GPR162: variants seen among roughly 807,000 people sequenced by gnomAD.
GPR162 encodes the protein G protein-coupled receptor 162, also known as probable G protein-coupled receptor 162.
Under a neutral mutation model 44.9 loss-of-function variants are expected in GPR162, and 26 were observed. The ratio of observed to expected loss-of-function variants is 0.58; its 90% CI spans 0.42 to 0.80. GPR162 has a LOEUF of 0.80. Among genes scored for constraint, GPR162 ranks in the 30% least tolerant of loss-of-function variants. The pLI is 0.00. For synonymous variants in GPR162, 363 were observed against 335.2 expected (o/e 1.08, Z -0.91); for missense variants, 704 against 802.3 (o/e 0.88, Z 1.48).
In GPR162 at chr12:6,826,222, G is replaced by A. The variant is rs782289657; in HGVS notation, c.1084G>A (p.Gly362Ser). Residue 362 changes from glycine (G) to serine (S), a missense_variant, in exon 4 of 5, where the codon GGC (glycine) becomes AGC (serine). Physicochemically the swap from Gly to Ser is moderately conservative, Grantham distance 56 (BLOSUM62 0). Coordinates refer to ENST00000311268, the MANE Select transcript of GPR162 (RefSeq NM_019858.2). ...DDGGCDDYAEGRVCKVRFDAN... is the reference protein window; with the variant it reads ...DDGGCDDYAESRVCKVRFDAN... The stretch of plus-strand genomic sequence containing the variant: ...TGGGGGCTGTGACGACTATGCAGAG[G>A]GCCGAGTTTGCAAAGTTCGCTTTGA... 1 of 1,614,014 alleles carries A rather than the reference G, an allele frequency of 6.2e-7. No homozygotes were observed.
chr12:6,824,042 G>A lies in GPR162; in HGVS notation c.144G>A (p.Leu48=). ...CCAAGCAGCAGAAGCACAAGCCACT[G>A]GAGCTGCTGCTCTGCTTCCTAGCGG... ...ISAKQQKHKP[L]ELLLCFLAGT... Residue 48 remains leucine, a synonymous_variant, in exon 2 of 5, where the codon CTG becomes CTA. Transcript: ENST00000311268. 6.2e-7 allele frequency: 1 copy of A among 1,612,820 alleles called. No homozygotes were observed. The highest frequency in any genetic ancestry group is 8.5e-7 in the Non-Finnish European group (1 of 1,179,880).
intron 2 of GPR162, chr12:6,825,131 C>T (rs1415503946): frequency 3.7e-6 from 2 of 539,824 alleles, no homozygotes; most frequent in Non-Finnish European, 6.7e-6. Context: ...CCCTCCTTCC[C>T]TCGGGCTGCC....
chr12:6,825,293 T>C (rs1368569936), intron 2 of GPR162, 191 bp from the exon 3 acceptor site: 3 of 598,454 alleles, frequency 5.0e-6, no homozygotes, highest in Non-Finnish European at 8.9e-6. Flanking sequence ...TCTCCAGCAC[T>C]CTCCCCGACC....
chr12:6,827,272 T>G lies in GPR162; in HGVS notation c.*68T>G, dbSNP rs1943379547. On this transcript the variant is annotated 3_prime_UTR_variant, in exon 5 of 5. Transcript: ENST00000311268. ...AGTAACACCTCATTCTGGCCGAGAG[T>G]AGGGCAGCTGCCTCCAGACTCTGGG... 4.6e-6 allele frequency: 6 copies of G among 1,305,554 alleles called. No individual in the cohort carries two copies. The Middle Eastern group carries it at 7.9e-4, about 172-fold the overall frequency. 80.9% of individuals were successfully genotyped at this position (1,305,554 alleles called of 1,614,324 possible).
chr12:6,824,159 G>A lies in GPR162; in HGVS notation c.261G>A (p.Glu87=), dbSNP rs771156070. ...RQASSDYDWN[E]SICKVFVSTY... is the part of the protein sequence containing the mutation. Reference sequence around the variant, plus strand: ...CTTCCTCCGACTATGACTGGAACGAGAGTATCTGCAAGGTCTTCGTGTCCA... The same window carrying A: ...CTTCCTCCGACTATGACTGGAACGAAAGTATCTGCAAGGTCTTCGTGTCCA... The change falls in exon 2 of 5, where the codon GAG becomes GAA. Residue 87 remains glutamate (E), a synonymous_variant. Coordinates refer to ENST00000311268, the MANE Select transcript of GPR162 (RefSeq NM_019858.2). The A allele has an allele frequency of 2.5e-6, 4 of 1,613,894 alleles. No homozygotes were observed. The highest frequency in any genetic ancestry group is 3.4e-6 in the Non-Finnish European group (4 of 1,180,040).
rs1555120185 is a variant in GPR162 at position 6,826,735 on chromosome 12, G to C, written c.1298G>C (p.Trp433Ser). Residue 433 changes from tryptophan (W) to serine (S), a missense_variant, in exon 5 of 5, where the codon TGG becomes TCG. Physicochemically the swap from Trp to Ser is radical, Grantham distance 177 (BLOSUM62 -3). Coordinates refer to ENST00000311268, the MANE Select transcript of GPR162 (RefSeq NM_019858.2). ...PREPGSFLHKWSSSDDIRVLP... is the reference protein window; with the variant it reads ...PREPGSFLHKSSSSDDIRVLP... ...GAACCAGGCTCCTTCCTGCACAAGTGGTCATCCTCTGATGACATCCGGGTC... is the reference window on the plus strand; with the variant it reads ...GAACCAGGCTCCTTCCTGCACAAGTCGTCATCCTCTGATGACATCCGGGTC... 3.8e-6 allele frequency: 6 copies of C among 1,586,924 alleles called. No homozygotes were observed. In the Admixed American group the frequency reaches 7.3e-5, roughly 19 times the overall value.
Position 6,823,709 on chromosome 12 carries a change from C to G in GPR162, c.-190C>G, listed in dbSNP as rs782363399. 3 of 1,584,286 alleles carry G rather than the reference C, an allele frequency of 1.9e-6. No homozygotes were observed. In the South Asian group the frequency reaches 3.3e-5, roughly 18 times the overall value. The stretch of plus-strand genomic sequence containing the variant: ...CCTCTGCTGACCCTCAGTCTCCTCC[C>G]CTGCCCTCTACATCTGCCCTCAGCT... On this transcript the variant is annotated 5_prime_UTR_variant, in exon 2 of 5. Transcript: ENST00000311268.
At position 6,823,971 on chromosome 12, in the gene GPR162, C is replaced by T. The variant is rs1555119579; in HGVS notation, c.73C>T (p.Leu25Phe). 1 of 1,600,896 alleles carries T rather than the reference C, an allele frequency of 6.2e-7. No homozygotes were observed. The highest frequency in any genetic ancestry group is 2.2e-5 in the East Asian group (1 of 44,638). The change falls in exon 2 of 5, where the codon CTC (leucine) becomes TTC (phenylalanine). Residue 25 changes from leucine to phenylalanine, a missense_variant. Transcript: ENST00000311268. ...SNALSWLACG[L>F]LALLANAWII... ...CGCATTGTCCTGGCTGGCCTGTGGG[C>T]TCCTGGCGCTGCTGGCCAATGCCTG...
At position 6,822,978 on chromosome 12, in the gene GPR162, T is replaced by C. The variant is rs1324904155; in HGVS notation, c.-431-490T>C. 6.6e-6 allele frequency among the ~76,000 whole-genome samples: 1 copy of C among 152,098 alleles called. No individual in the cohort carries two copies. Among genetic ancestry groups the C allele is most frequent in the Non-Finnish European group, 1.5e-5 (1 of 68,018 alleles). ...TTCCCAGATATGGGTAGCTGGAGGG[T>C]GATCACCCAGGTTTGGGGAAGTAGG... On this transcript the variant is annotated intron_variant, in intron 1 of 4. Coordinates refer to ENST00000311268, the MANE Select transcript of GPR162 (RefSeq NM_019858.2). This position sits in a 1 kb window ranked among gnomAD's most constrained non-coding sequence, Gnocchi z 4.2.
chr12:6,827,124 A>G lies in GPR162; in HGVS notation c.1687A>G (p.Thr563Ala), dbSNP rs1218688143. ...AAGCGCAGGGAGACGCTGCTCCCTG[A>G]CGGGGGGTGAAGAAAGTGCAAGGGC... ...GLSAGRRCSL[T>A]GGEESARAWG... is the part of the protein sequence containing the mutation. Residue 563 changes from threonine to alanine, a missense_variant, in exon 5 of 5, where the codon ACG (threonine) becomes GCG (alanine). Physicochemically the swap from Thr to Ala is moderately conservative, Grantham distance 58. Around this residue, in one of 6 missense-constraint regions of GPR162, gnomAD observed 404 missense variants for 314.1 expected, o/e 1.29. Transcript: ENST00000311268. 1.4e-5 allele frequency: 22 copies of G among 1,612,882 alleles called. No homozygotes were observed. The highest frequency in any genetic ancestry group is 1.9e-5 in the Non-Finnish European group (22 of 1,179,784).
At chr12:6,826,502 T>C in intron 4 of GPR162, 149 bp downstream of exon 4, 1 of 1,060,136 alleles carries the variant, frequency 9.4e-7, no homozygotes. Context: ...AAGAGAGGCA[T>C]CCCTTCAGAC....
At chr12:6,826,508 C>A in intron 4 of GPR162, 145 bp from the exon 5 acceptor site, 1 of 1,069,162 alleles carries the variant, frequency 9.4e-7, no homozygotes, top group African/African-American at 1.6e-5. Context: ...GGCATCCCTT[C>A]AGACCTCGTG....
chr12:6,827,001 G>C lies in GPR162; in HGVS notation c.1564G>C (p.Gly522Arg), dbSNP rs1555120350. 1 of 1,613,288 alleles carries C rather than the reference G, an allele frequency of 6.2e-7. No individual in the cohort carries two copies. Among genetic ancestry groups the C allele is most frequent in the East Asian group, 2.2e-5 (1 of 44,868 alleles). ...TCTGCCTTCTCCGACTGCCTCACCA[G>C]GGCACTCTCCTCGTCGGCCCCGGCC... ...TPLPSPTASP[G>R]HSPRRPRPLG... Residue 522 changes from glycine to arginine, a missense_variant, in exon 5 of 5, where the codon GGG becomes CGG. Gly to Arg is a moderately radical substitution (Grantham distance 125). Transcript: ENST00000311268.
chr12:6,826,545 C>T (rs782274617), intron 4 of GPR162, 108 bp from the exon 5 acceptor site: 224 of 1,178,512 alleles, frequency 1.9e-4, no homozygotes, highest in Admixed American at 4.5e-4. Context: ...CCGGAGCAAA[C>T]GTTTTGAAGG....
intron 3 of GPR162, among the ~76,000 whole-genome samples, chr12:6,825,925 G>A (rs1210909477): frequency 3.3e-5 from 5 of 152,190 alleles, no homozygotes; most frequent in Non-Finnish European, 5.9e-5. Flanking sequence ...GCACTATGGG[G>A]AACCTGAGCT....
intron 3 of GPR162, 30 bp from the exon 4 acceptor site, chr12:6,826,166 T>C (rs1555119991): frequency 2.5e-6 from 4 of 1,601,254 alleles, no homozygotes; most frequent in Non-Finnish European, 1.7e-6. Context: ...ATTCCCTACC[T>C]GTAACCACTC....
chr12:6,827,040 C>A lies in GPR162; in HGVS notation c.1603C>A (p.Pro535Thr). 1.2e-6 allele frequency: 2 copies of A among 1,613,412 alleles called. No individual in the cohort carries two copies. The highest frequency in any genetic ancestry group is 1.1e-5 in the South Asian group (1 of 91,082). Reference sequence around the variant, plus strand: ...TCGGCCCCGGCCACTGGGCCTCTCACCCCGCCGACTCTCCCTTGGGTCCCC... The same window carrying A: ...TCGGCCCCGGCCACTGGGCCTCTCAACCCGCCGACTCTCCCTTGGGTCCCC... ...PRRPRPLGLS[P>T]RRLSLGSPES... is the part of the protein sequence containing the mutation. Residue 535 changes from proline to threonine, a missense_variant, in exon 5 of 5, where the codon CCC (proline) becomes ACC (threonine). Coordinates refer to ENST00000311268, the MANE Select transcript of GPR162 (RefSeq NM_019858.2).
At position 6,823,802 on chromosome 12, in the gene GPR162, A is replaced by G; in HGVS notation, c.-97A>G. 1 of 1,610,910 alleles carries G rather than the reference A, an allele frequency of 6.2e-7. No individual in the cohort carries two copies. Among genetic ancestry groups the G allele is most frequent in the Non-Finnish European group, 8.5e-7 (1 of 1,178,350 alleles). ...CAGCCTGCCTGCTGACAGGGCGAGG[A>G]TTGTGGGGATCATGGGAGTGTTTGT... On this transcript the variant is annotated 5_prime_UTR_variant, in exon 2 of 5. Transcript: ENST00000311268.
At position 6,826,191 on chromosome 12, in the gene GPR162, C is replaced by G. The variant is rs781874305; in HGVS notation, c.1058-5C>G. The G allele has an allele frequency of 3.1e-6, 5 of 1,612,008 alleles. No individual in the cohort carries two copies. In the East Asian group the frequency reaches 1.1e-4, roughly 36 times the overall value. On this transcript the variant is annotated splice_region_variant and splice_polypyrimidine_tract_variant and intron_variant, in intron 3 of 4. Transcript: ENST00000311268. ...TGTAACCACTCTGCCCATTTTCTCT[C>G]CTAGATGGGGGCTGTGACGACTATG...
Sources: allele counts gnomAD v4.1 joint callset (sites outside exome capture counted in the v4.1 genomes callset), GRCh38; gene constraint gnomAD v4.1.1; regional missense constraint gnomAD v4.1.1; non-coding constraint Gnocchi (gnomAD v3.1); transcripts MANE v1.5; gene names NCBI Gene and HGNC (gene_info 2026-07-23, HGNC 2026-07-21).